Variants in FAM200B observed in about 807,000 individuals in gnomAD.
FAM200B encodes protein FAM200B.
FAM200B carries 32 observed loss-of-function variants against 33.1 expected under a neutral mutation model. The observed-to-expected ratio is 0.97, with a 90% confidence interval of 0.73 to 1.30. The LOEUF (loss-of-function observed/expected upper bound fraction) is 1.30. Among genes scored for constraint, FAM200B ranks in the 50% most tolerant of loss-of-function variants. The pLI, the probability that FAM200B is intolerant of heterozygous loss-of-function variation, is 0.00. For synonymous variants in FAM200B, 240 were observed against 264.8 expected (o/e 0.91, Z 0.91); for missense variants, 741 against 754.0 (o/e 0.98, Z 0.20).
At chr4:15,640,645 T>G in the FAM200B span, 2 of 432,640 alleles carry the variant, frequency 4.6e-6, no homozygotes, top group East Asian at 7.2e-5. Flanking sequence ...TCCCTTGGGT[T>G]TTCTTTTTTC....
chr4:15,643,819 A>G, the FAM200B span, among the ~76,000 whole-genome samples: 3 of 152,254 alleles, frequency 2.0e-5, no homozygotes, highest in Non-Finnish European at 2.9e-5. Flanking sequence ...CTTTCCTTTA[A>G]GAATTCAGCA....
At chr4:15,640,385 A>G in the FAM200B span, among the ~76,000 whole-genome samples, 1 of 118,430 alleles carries the variant, frequency 8.4e-6, no homozygotes, top group East Asian at 2.4e-4. Flanking sequence ...ATACTAAACT[A>G]CACTACTGAA....
the FAM200B span, among the ~76,000 whole-genome samples, chr4:15,667,011 G>A: frequency 6.6e-5 from 10 of 152,098 alleles, no homozygotes; most frequent in South Asian, 1.9e-3. Context: ...CAAAATAATC[G>A]TAATTTTAAA....
chr4:15,665,726 A>G, the FAM200B span, among the ~76,000 whole-genome samples: 1 of 152,218 alleles, frequency 6.6e-6, no homozygotes, highest in South Asian at 2.1e-4. Context: ...GAAAAGAAAC[A>G]CAAACTTAGG....
At chr4:15,677,313 C>CTAAAA (rs1209514988), upstream of FAM200B, among the ~76,000 whole-genome samples, 3 of 152,084 alleles carry the variant, frequency 2.0e-5, no homozygotes, top group Non-Finnish European at 1.5e-5. Flanking sequence ...AAGAAAGCTC[C>CTAAAA]TAAAACCCTT....
intron 1 of FAM200B, chr4:15,685,101 G>T (rs2148858454): frequency 6.6e-6 from 1 of 152,186 alleles, no homozygotes; most frequent in South Asian, 2.1e-4. Flanking sequence ...AGAGGTTTAG[G>T]GCCAAACTAT....
At chr4:15,685,525 A>G (rs1718755870) in intron 1 of FAM200B, among the ~76,000 whole-genome samples, 1 of 152,154 alleles carries the variant, frequency 6.6e-6, no homozygotes, top group Admixed American at 6.5e-5. Context: ...CAGGAGTATA[A>G]GAACCCAAGA....
chr4:15,685,619 G>T (rs143729415), intron 1 of FAM200B, among the ~76,000 whole-genome samples: 5 of 152,130 alleles, frequency 3.3e-5, no homozygotes, highest in African/African-American at 1.2e-4. Context: ...TACCTCTCCA[G>T]TCATCAAGGA....
chr4:15,648,059 G>T, the FAM200B span, among the ~76,000 whole-genome samples: 2 of 152,224 alleles, frequency 1.3e-5, no homozygotes, highest in Admixed American at 6.5e-5. Flanking sequence ...GTCTCACTAT[G>T]TTGGCCAAGC....
the FAM200B span, among the ~76,000 whole-genome samples, chr4:15,654,547 T>G: frequency 1.5e-4 from 23 of 152,186 alleles, no homozygotes; most frequent in African/African-American, 5.3e-4. Flanking sequence ...CCAGTAAGTG[T>G]TCAGGGCAAT....
chr4:15,670,131 G>A, the FAM200B span, among the ~76,000 whole-genome samples: 7 of 152,198 alleles, frequency 4.6e-5, no homozygotes, highest in African/African-American at 1.7e-4. Flanking sequence ...CTGCTAAGTA[G>A]TATTCTCATA....
chr4:15,640,393 G>GAAAAAAAAAAAAAAA, the FAM200B span, among the ~76,000 whole-genome samples: 6 of 91,600 alleles, frequency 6.6e-5, no homozygotes, highest in Admixed American at 1.3e-4. Context: ...CTACACTACT[G>GAAAAAAAAAAAAAAA]AAAAAAAAAA....
rs1370909701 is a variant in FAM200B at position 15,687,144 on chromosome 4, A to G, written c.167A>G (p.Lys56Arg). ...TCATTTGAGCCACATTTCAAAAAGA[A>G]AAAAGTAAGTGCAAGACGTTATAAT... ...STSFEPHFKKKKVSARRYNED... is the reference protein window; with the variant it reads ...STSFEPHFKKRKVSARRYNED... Residue 56 changes from lysine to arginine, a missense_variant, in exon 2 of 2, where the codon AAA becomes AGA. By Grantham distance (26) the Lys-to-Arg change is conservative. Transcript: ENST00000422728. 1 of 1,547,982 alleles carries G rather than the reference A, an allele frequency of 6.5e-7. No homozygotes were observed. The highest frequency in any genetic ancestry group is 1.2e-5 in the South Asian group (1 of 82,820).
the FAM200B span, among the ~76,000 whole-genome samples, chr4:15,645,370 A>G: frequency 6.6e-6 from 1 of 152,192 alleles, no homozygotes; most frequent in African/African-American, 2.4e-5. Context: ...CACATTCTCT[A>G]GGATGGGATA....
In FAM200B at chr4:15,687,245, A is replaced by T; in HGVS notation, c.268A>T (p.Asn90Tyr). Reference sequence around the variant, plus strand: ...TGACAGACCTCAGTGTGTTATTTGTAATAATATTCTTGCGAATGAAAGCTT... The same window carrying T: ...TGACAGACCTCAGTGTGTTATTTGTTATAATATTCTTGCGAATGAAAGCTT... ...ENDRPQCVIC[N>Y]NILANESLKP... The change falls in exon 2 of 2, where the codon AAT becomes TAT. Residue 90 changes from asparagine to tyrosine, a missense_variant. Physicochemically the swap from Asn to Tyr is moderately radical, Grantham distance 143 (BLOSUM62 -2). Transcript: ENST00000422728. The T allele has an allele frequency of 6.5e-7, 1 of 1,545,346 alleles. No homozygotes were observed. Among genetic ancestry groups the T allele is most frequent in the African/African-American group, 1.4e-5 (1 of 72,668 alleles).
At chr4:15,641,040 A>G in the FAM200B span, among the ~76,000 whole-genome samples, 2 of 152,310 alleles carry the variant, frequency 1.3e-5, no homozygotes, top group Admixed American at 6.5e-5. Context: ...AGATACCCAT[A>G]AAACAGTAAG....
chr4:15,652,897 G>A, the FAM200B span, among the ~76,000 whole-genome samples: 3 of 152,058 alleles, frequency 2.0e-5, no homozygotes, highest in Non-Finnish European at 4.4e-5. Flanking sequence ...TGTTTGGTTG[G>A]ATATCCTTGG....
At chr4:15,677,950 T>C (rs201686489), upstream of FAM200B, among the ~76,000 whole-genome samples, 1,457 of 152,312 alleles carry the variant, frequency 9.6e-3, 20 homozygotes, top group Non-Finnish European at 0.013. Context: ...GTGTGGCAAC[T>C]GTGCTAACTT....
chr4:15,638,612 G>C, the FAM200B span: 1 of 1,613,454 alleles, frequency 6.2e-7, no homozygotes. Context: ...ATCCTTCTGA[G>C]AGCAGTGTTG....
Sources: gnomAD v4.1 joint callset for allele counts (sites outside exome capture counted in the v4.1 genomes callset) on GRCh38, gnomAD v4.1.1 for gene constraint, MANE v1.5 for transcripts, NCBI Gene and HGNC (gene_info 2026-07-23, HGNC 2026-07-21) for gene names.